ATP8A1: variants seen among roughly 807,000 people sequenced by gnomAD.
ATP8A1 encodes the protein ATPase phospholipid transporting 8A1.
In ATP8A1, 90 loss-of-function variants were observed where a neutral mutation model predicts 177.7. The ratio of observed to expected loss-of-function variants is 0.51; its 90% CI spans 0.43 to 0.60. ATP8A1 has a LOEUF of 0.60. ATP8A1 is among the 20% of genes least tolerant of loss of function. ATP8A1 has a pLI of 0.00. For missense variants in ATP8A1, 1,072 were observed against 1,392.8 expected, an observed-to-expected ratio of 0.77 and a Z score of 3.67; for synonymous variants, 493 against 485.9, an observed-to-expected ratio of 1.01 and a Z score of -0.19.
chr4:42,458,712 T>C (rs1032616044), intron 27 of ATP8A1, among the ~76,000 whole-genome samples: 6 of 152,236 alleles, frequency 3.9e-5, no homozygotes, highest in Admixed American at 6.5e-5. Flanking sequence ...ATAAAACACA[T>C]AGTGTTCAAG....
At chr4:42,448,401 C>CTTTTTTTTTTTTTTTTTTTTTTTT (rs1226963744) in intron 30 of ATP8A1, among the ~76,000 whole-genome samples, 15 of 99,552 alleles carry the variant, frequency 1.5e-4, no homozygotes, top group East Asian at 3.5e-4. Flanking sequence ...TCTTTCTTTT[C>CTTTTTTTTTTTTTTTTTTTTTTTT]TTTTTTTTTT....
intron 1 of ATP8A1, 68 bp downstream of exon 1, chr4:42,656,757 A>G: frequency 1.4e-6 from 2 of 1,432,764 alleles, no homozygotes; most frequent in South Asian, 2.8e-5. Flanking sequence ...TCCAGGATAA[A>G]CACACACGCT....
chr4:42,602,886 G>A (rs1298815235), intron 5 of ATP8A1, among the ~76,000 whole-genome samples: 11 of 152,014 alleles, frequency 7.2e-5, no homozygotes, highest in Non-Finnish European at 1.5e-4. Context: ...AAGAGAGATG[G>A]TAAAGTCCTG....
At chr4:42,563,189 G>A (rs892767092) in intron 15 of ATP8A1, among the ~76,000 whole-genome samples, 4 of 152,198 alleles carry the variant, frequency 2.6e-5, no homozygotes, top group Admixed American at 2.6e-4. Flanking sequence ...CCAGGCTGAG[G>A]TAGTCTCAGA....
intron 30 of ATP8A1, among the ~76,000 whole-genome samples, chr4:42,448,400 T>A (rs6830635): frequency 0.016 from 236 of 15,198 alleles, 28 homozygotes; most frequent in African/African-American, 0.035. Context: ...CTCTTTCTTT[T>A]CTTTTTTTTT....
intron 1 of ATP8A1, among the ~76,000 whole-genome samples, chr4:42,639,243 G>A (rs1174704884): frequency 6.6e-6 from 1 of 152,118 alleles, no homozygotes; most frequent in Non-Finnish European, 1.5e-5. Flanking sequence ...AGGAAAGGTT[G>A]AAAATAGATA....
At chr4:42,626,310 G>C (rs771635858) in intron 2 of ATP8A1, 4 of 152,254 alleles carry the variant, frequency 2.6e-5, no homozygotes, top group African/African-American at 4.8e-5. Context: ...ATAGAAAGGA[G>C]ATTAAAGCAG....
chr4:42,528,455 G>A (rs547435231), intron 20 of ATP8A1, among the ~76,000 whole-genome samples: 22 of 152,288 alleles, frequency 1.4e-4, no homozygotes, highest in Non-Finnish European at 2.5e-4. Flanking sequence ...CTGTGCAGAA[G>A]ACACATGGAT....
intron 34 of ATP8A1, 102 bp from the exon 35 acceptor site, chr4:42,423,001 G>A: frequency 4.1e-6 from 3 of 738,028 alleles, no homozygotes; most frequent in Non-Finnish European, 4.4e-6. Flanking sequence ...AAAGCACAAT[G>A]GTAACAAGAG....
intron 35 of ATP8A1, among the ~76,000 whole-genome samples, chr4:42,420,474 T>C (rs746906294): frequency 1.4e-4 from 22 of 152,248 alleles, no homozygotes; most frequent in Non-Finnish European, 2.6e-4. Flanking sequence ...GGAATTCACT[T>C]CTTTCCTTTT....
intron 25 of ATP8A1, among the ~76,000 whole-genome samples, chr4:42,476,496 G>A (rs1721079694): frequency 6.6e-6 from 1 of 151,952 alleles, no homozygotes; most frequent in Non-Finnish European, 1.5e-5. Context: ...GTGGATGCCT[G>A]TAGTCCCAGC....
At chr4:42,552,391 TA>T (rs1729594302) in intron 17 of ATP8A1, 113 bp downstream of exon 17, 2 of 807,746 alleles carry the variant, frequency 2.5e-6, no homozygotes, top group Non-Finnish European at 3.9e-6. Flanking sequence ...AATTGGTAAA[TA>T]AAAATTTTTA....
chr4:42,489,022 A>AAG (rs527435347), intron 24 of ATP8A1, among the ~76,000 whole-genome samples: 2 of 151,504 alleles, frequency 1.3e-5, no homozygotes, highest in Non-Finnish European at 2.9e-5. Flanking sequence ...TGATTAGAGA[A>AAG]AGAGAGAGAG....
At chr4:42,460,291 C>G (rs772938282) in intron 27 of ATP8A1, among the ~76,000 whole-genome samples, 1 of 151,312 alleles carries the variant, frequency 6.6e-6, no homozygotes, top group African/African-American at 2.4e-5. Context: ...CAGCCCCCAA[C>G]GAAAGTGTCA....
At chr4:42,429,867 C>T (rs1483695911) in intron 33 of ATP8A1, among the ~76,000 whole-genome samples, 1 of 152,148 alleles carries the variant, frequency 6.6e-6, no homozygotes, top group South Asian at 2.1e-4. Context: ...ATAAAACAAA[C>T]CAGACATAAA....
In ATP8A1 at chr4:42,543,937, G is replaced by C. The variant is rs1422947869; in HGVS notation, c.1702C>G (p.Arg568Gly). The C allele has an allele frequency of 1.2e-6, 2 of 1,612,270 alleles. No homozygotes were observed. Among genetic ancestry groups the C allele is most frequent in the Non-Finnish European group, 1.7e-6 (2 of 1,179,200 alleles). The change falls in exon 20 of 37, where the codon CGA (arginine) becomes GGA (glycine). Residue 568 changes from arginine (R) to glycine (G), a missense_variant. Transcript: ENST00000381668. The stretch of plus-strand genomic sequence containing the variant: ...CTTACAGCTCCTTTGCAGTAGAGTC[G>C]TAACTTTCCAGATGGAGTGCGAACA... ...VIVRTPSGKL[R>G]LYCKGADTVI... is the part of the protein sequence containing the mutation.
intron 6 of ATP8A1, among the ~76,000 whole-genome samples, chr4:42,592,908 T>C (rs1413729498): frequency 6.6e-6 from 1 of 152,168 alleles, no homozygotes; most frequent in African/African-American, 2.4e-5. Flanking sequence ...AATGTTGTTA[T>C]GCAGCACAAG....
In ATP8A1 at chr4:42,449,102, C is replaced by CCCAAAG. The variant is rs1395183291; in HGVS notation, c.2897-2459_2897-2458insCTTTGG. Among the ~76,000 whole-genome samples, 28 of 152,262 alleles carry CCCAAAG rather than the reference C, an allele frequency of 1.8e-4. No individual in the cohort carries two copies. In the East Asian group the frequency reaches 5.4e-3, roughly 29 times the overall value. ...CCACCTGCATTGGGCTCCCAAAGTG[C>CCCAAAG]TGGGATTACAGGTGTGAGCCACCAT... On this transcript the variant is annotated intron_variant, in intron 30 of 36. Transcript: ENST00000381668.
At chr4:42,600,074 G>A (rs1563848) in intron 6 of ATP8A1, among the ~76,000 whole-genome samples, 82,629 of 151,946 alleles carry the variant, frequency 0.54, 23,092 homozygotes, top group South Asian at 0.66. Flanking sequence ...AGGAATTAGT[G>A]GTAAGCAAAT....
Sources: allele counts gnomAD v4.1 joint callset (sites outside exome capture counted in the v4.1 genomes callset), GRCh38; gene constraint gnomAD v4.1.1; transcripts MANE v1.5; gene names NCBI Gene and HGNC (gene_info 2026-07-23, HGNC 2026-07-21).